PSMB2: variants seen among roughly 807,000 people sequenced by gnomAD.
The protein encoded by PSMB2 is proteasome 20S subunit beta 2, also known as proteasome subunit beta type-2.
PSMB2 carries 13 observed loss-of-function variants against 25.7 expected under a neutral mutation model. That is an observed-to-expected ratio of 0.51 (90% CI 0.33 to 0.80). PSMB2 has a LOEUF of 0.80. PSMB2 is among the 30% of genes least tolerant of loss of function. The probability of loss-of-function intolerance (pLI) is 0.02; values close to 1 mark genes in which losing one functional copy is unlikely to be tolerated. For missense variants in PSMB2, 202 were observed against 259.0 expected (o/e 0.78, Z 1.51); for synonymous variants, 87 against 96.2 (o/e 0.90, Z 0.56).
intron 1 of PSMB2, among the ~76,000 whole-genome samples, chr1:35,636,711 T>C (rs1208306405): frequency 2.6e-5 from 4 of 152,182 alleles, no homozygotes; most frequent in Non-Finnish European, 5.9e-5. Flanking sequence ...TCATATTAAG[T>C]ATTATAAATA....
In PSMB2 at chr1:35,609,247, C is replaced by T. The variant is rs531640122; in HGVS notation, c.447G>A (p.Pro149=). The change falls in exon 4 of 6, where the codon CCG becomes CCA. Residue 149 remains proline (P), a splice_region_variant and synonymous_variant. Transcript: ENST00000373237. ...TLSILDRYYT[P]TISRERAVEL... is the part of the protein sequence containing the mutation. ...CCTCCCTAGAGTATTAATACTTACT[C>T]GGTGTGTAGTATCGGTCGAGGATAC... is the stretch of plus-strand genomic sequence containing the variant. 1.0e-5 allele frequency: 16 copies of T among 1,590,798 alleles called. No homozygotes were observed. The highest frequency in any genetic ancestry group is 8.7e-5 in the Admixed American group (5 of 57,254).
intron 3 of PSMB2, among the ~76,000 whole-genome samples, chr1:35,612,737 C>A (rs141057890): frequency 0.018 from 2,785 of 152,252 alleles, 96 homozygotes; most frequent in African/African-American, 0.063. Context: ...CTACTCTTCT[C>A]TACTAACTAG....
chr1:35,616,129 G>A (rs1381260641), intron 3 of PSMB2, among the ~76,000 whole-genome samples: 1 of 152,120 alleles, frequency 6.6e-6, no homozygotes, highest in African/African-American at 2.4e-5. Context: ...ACTTCAAAGA[G>A]GAAACAGTAA....
chr1:35,618,834 T>C (rs913206008), intron 3 of PSMB2, among the ~76,000 whole-genome samples: 2 of 152,194 alleles, frequency 1.3e-5, no homozygotes, highest in Non-Finnish European at 1.5e-5. Context: ...TATAATGAGC[T>C]TCACAAACAA....
intron 3 of PSMB2, among the ~76,000 whole-genome samples, chr1:35,629,881 A>G (rs1197878012): frequency 1.3e-5 from 2 of 152,032 alleles, no homozygotes; most frequent in Admixed American, 6.5e-5. Context: ...AAAAATCCAC[A>G]TTACCGGCCA....
chr1:35,602,989 G>A lies in PSMB2; in HGVS notation c.*278C>T. ...AGTTGGAAAGGAAGCCAAGCATGGA[G>A]TAGAACGTGGGGCCGTCAGCTGCTA... On this transcript the variant is annotated 3_prime_UTR_variant, in exon 6 of 6. Transcript: ENST00000373237. 1 of 1,122,604 alleles carries A rather than the reference G, an allele frequency of 8.9e-7. No homozygotes were observed. Among genetic ancestry groups the A allele is most frequent in the African/African-American group, 1.6e-5 (1 of 61,660 alleles). 69.5% of individuals were successfully genotyped at this position (1,122,604 alleles called of 1,614,324 possible). A position where few individuals can be genotyped will look rare whatever the true frequency, so the allele number is the denominator to read the frequency against.
intron 3 of PSMB2, among the ~76,000 whole-genome samples, chr1:35,628,648 T>TTTTTTTTAA (rs1553125213): frequency 5.8e-5 from 2 of 34,716 alleles, no homozygotes; most frequent in Non-Finnish European, 8.6e-5. Context: ...TTTTTTTTTT[T>TTTTTTTTAA]AAAGAAAAGA....
At chr1:35,606,463 A>G (rs913402638) in intron 4 of PSMB2, among the ~76,000 whole-genome samples, 1 of 152,206 alleles carries the variant, frequency 6.6e-6, no homozygotes, top group African/African-American at 2.4e-5. Flanking sequence ...ATCAAAGAAA[A>G]TAAAATACCT....
chr1:35,629,855 T>C (rs1026117781), intron 3 of PSMB2, among the ~76,000 whole-genome samples: 4 of 151,490 alleles, frequency 2.6e-5, no homozygotes, highest in Non-Finnish European at 5.9e-5. Flanking sequence ...GAAACACAGA[T>C]AAGCAATCTC....
Position 35,608,961 on chromosome 1 carries a change from G to A in PSMB2, c.448+285C>T, listed in dbSNP as rs148565502. On this transcript the variant is annotated intron_variant, in intron 4 of 5. Coordinates refer to ENST00000373237, the MANE Select transcript of PSMB2 (RefSeq NM_002794.5). ...AAGGATTTTAGAACCCAATAAAAAT[G>A]TTTTATTCACTGTGACATCTATTCC... Among the ~76,000 whole-genome samples the A allele has an allele frequency of 1.1e-4, 16 of 152,310 alleles. No individual in the cohort carries two copies. The South Asian group carries it at 1.9e-3, about 18-fold the overall frequency.
intron 1 of PSMB2, among the ~76,000 whole-genome samples, chr1:35,637,826 T>C (rs932481371): frequency 2.6e-5 from 4 of 152,182 alleles, no homozygotes; most frequent in African/African-American, 4.8e-5. Flanking sequence ...AGATTGTTAG[T>C]TTGCAAACTT....
intron 3 of PSMB2, among the ~76,000 whole-genome samples, chr1:35,626,429 C>G (rs1650862355): frequency 6.6e-6 from 1 of 152,114 alleles, no homozygotes; most frequent in African/African-American, 2.4e-5. Flanking sequence ...ATATATAGAC[C>G]TAGCTGGATG....
chr1:35,618,061 G>A (rs1417628662), intron 3 of PSMB2, among the ~76,000 whole-genome samples: 3 of 152,138 alleles, frequency 2.0e-5, no homozygotes, highest in South Asian at 2.1e-4. Context: ...AAGATAGACC[G>A]GGATTAGGAC....
At chr1:35,603,461 C>A in intron 5 of PSMB2, 87 bp from the exon 6 acceptor site, 2 of 1,470,800 alleles carry the variant, frequency 1.4e-6, no homozygotes, top group South Asian at 1.3e-5. Flanking sequence ...GGGATACAAG[C>A]AAACAAAAAT....
At position 35,601,455 on chromosome 1, in the gene PSMB2, T is replaced by G. The variant is rs367904651; in HGVS notation, c.*1812A>C. The G allele has an allele frequency of 4.1e-6, 4 of 985,296 alleles. No individual in the cohort carries two copies. The highest frequency in any genetic ancestry group is 1.7e-5 in the African/African-American group (1 of 57,226). The allele number at this position is 985,296 out of a possible 1,614,324, so 61.0% of individuals were successfully genotyped here. On this transcript the variant is annotated 3_prime_UTR_variant, in exon 6 of 6. Coordinates refer to ENST00000373237, the MANE Select transcript of PSMB2 (RefSeq NM_002794.5). ...AAACCTATGCATATTCATGGTGGTG[T>G]TGGAGGTTGAATCAACTGTAGTGAC...
At chr1:35,619,583 T>C (rs1011741921) in intron 3 of PSMB2, among the ~76,000 whole-genome samples, 5 of 152,206 alleles carry the variant, frequency 3.3e-5, no homozygotes, top group African/African-American at 1.2e-4. Flanking sequence ...CCAATAAATG[T>C]GAATTTTACA....
chr1:35,631,401 C>T, intron 2 of PSMB2, 57 bp from the exon 3 acceptor site: 2 of 1,604,242 alleles, frequency 1.2e-6, no homozygotes, highest in Non-Finnish European at 1.7e-6. Flanking sequence ...TAACAGTGCC[C>T]CAAATTATTC....
intron 2 of PSMB2, among the ~76,000 whole-genome samples, chr1:35,635,332 C>A (rs1480985260): frequency 6.6e-6 from 1 of 151,002 alleles, no homozygotes; most frequent in Non-Finnish European, 1.5e-5. Context: ...GTCTTAAACT[C>A]CTGGTCTCAA....
rs529374040 is a variant in PSMB2 at position 35,611,317 on chromosome 1, A to C, written c.286-1909T>G. ...CACGGCCACTTGGCAGCCTTAAAAA[A>C]CTCATGGTTTTTGCTTTTTTTGGGG... On this transcript the variant is annotated intron_variant, in intron 3 of 5. Transcript: ENST00000373237. 2.0e-5 allele frequency among the ~76,000 whole-genome samples: 3 copies of C among 150,078 alleles called. No individual in the cohort carries two copies. The South Asian group carries it at 6.3e-4, about 31-fold the overall frequency.
Sources: allele counts gnomAD v4.1 joint callset (sites outside exome capture counted in the v4.1 genomes callset), GRCh38; gene constraint gnomAD v4.1.1; transcripts MANE v1.5; gene names NCBI Gene and HGNC (gene_info 2026-07-23, HGNC 2026-07-21).